Variants in CEP162 observed in about 807,000 individuals in gnomAD.
The protein encoded by CEP162 is centrosomal protein 162.
In CEP162, 141 loss-of-function variants were observed where a neutral mutation model predicts 169.2. The ratio of observed to expected loss-of-function variants is 0.83; its 90% CI spans 0.73 to 0.96. The LOEUF is 0.96. Ranked by LOEUF, CEP162 falls within the 40% of genes least tolerant of loss-of-function variation. The probability of loss-of-function intolerance (pLI) is 0.00; values close to 1 mark genes in which losing one functional copy is unlikely to be tolerated. For synonymous variants in CEP162, 540 were observed against 526.4 expected (o/e 1.03, Z -0.35); for missense variants, 1,600 against 1,587.2 (o/e 1.01, Z -0.14).
intron 25 of CEP162, among the ~76,000 whole-genome samples, chr6:84,141,429 C>T (rs2099516590): frequency 6.6e-6 from 1 of 152,070 alleles, no homozygotes; most frequent in Non-Finnish European, 1.5e-5. Context: ...CTATAAATTC[C>T]TCCTTACCTA....
At position 84,185,358 on chromosome 6, in the gene CEP162, G is replaced by C. The variant is rs1338923057; in HGVS notation, c.1492C>G (p.Leu498Val). 1.2e-6 allele frequency: 2 copies of C among 1,613,472 alleles called. No individual in the cohort carries two copies. Among genetic ancestry groups the C allele is most frequent in the Non-Finnish European group, 1.7e-6 (2 of 1,179,518 alleles). Residue 498 changes from leucine to valine, a missense_variant, in exon 13 of 27, where the codon CTT becomes GTT. Transcript: ENST00000403245. ...AATCCACTCTGGGGTTTCCTTTTAAGTAAAGGAGGTGCACTTCTGGCCTTC... is the reference window on the plus strand; with the variant it reads ...AATCCACTCTGGGGTTTCCTTTTAACTAAAGGAGGTGCACTTCTGGCCTTC... The part of the protein sequence containing the change: ...YKKARSAPPL[L>V]KRKPQSGLYA...
chr6:84,171,658 C>T lies in CEP162; in HGVS notation c.2227G>A (p.Glu743Lys). 6.4e-7 allele frequency: 1 copy of T among 1,553,434 alleles called. No individual in the cohort carries two copies. Among genetic ancestry groups the T allele is most frequent in the Non-Finnish European group, 8.7e-7 (1 of 1,151,436 alleles). The change falls in exon 17 of 27, where the codon GAG becomes AAG. Residue 743 changes from glutamate to lysine, a missense_variant. Physicochemically the swap from Glu to Lys is moderately conservative, Grantham distance 56. Transcript: ENST00000403245. ...DLQEQNKKNE[E>K]RMFKENQSLF... ...CTTTGGTTTTCCTTAAACATTCGCTCCTCATTTTTCTTGTTTTGTTCTTGG... is the reference window on the plus strand; with the variant it reads ...CTTTGGTTTTCCTTAAACATTCGCTTCTCATTTTTCTTGTTTTGTTCTTGG...
rs751421876 is a variant in CEP162 at position 84,153,167 on chromosome 6, G to C, written c.3007C>G (p.Gln1003Glu). 5 of 1,594,594 alleles carry C rather than the reference G, an allele frequency of 3.1e-6. 1 individual carries two copies. In the South Asian group the frequency reaches 4.6e-5, roughly 15 times the overall value. The stretch of plus-strand genomic sequence containing the variant: ...AGCTGCTCCTGCTGCTCTAGTCTTT[G>C]TTCATACTGAATCTGAAGGAAAGAA... The part of the protein sequence containing the change: ...QFQKMKIQYE[Q>E]RLEQQEQLLA... The change falls in exon 23 of 27, where the codon CAA (glutamine) becomes GAA (glutamate). Residue 1003 changes from glutamine to glutamate, a missense_variant. Physicochemically the swap from Gln to Glu is conservative, Grantham distance 29. Coordinates refer to ENST00000403245, the MANE Select transcript of CEP162 (RefSeq NM_014895.4).
intron 21 of CEP162, among the ~76,000 whole-genome samples, chr6:84,158,991 C>A (rs2099524336): frequency 6.6e-6 from 1 of 151,350 alleles, no homozygotes; most frequent in Non-Finnish European, 1.5e-5. Context: ...CAAACACAAT[C>A]TAAAATTTTC....
intron 13 of CEP162, among the ~76,000 whole-genome samples, chr6:84,178,134 T>A (rs992624734): frequency 4.0e-5 from 6 of 149,928 alleles, no homozygotes; most frequent in African/African-American, 1.5e-4. Flanking sequence ...TTTTTAAATA[T>A]ATTTGGATCC....
At chr6:84,184,249 A>G (rs2099536147) in intron 13 of CEP162, among the ~76,000 whole-genome samples, 1 of 152,150 alleles carries the variant, frequency 6.6e-6, no homozygotes, top group African/African-American at 2.4e-5. Context: ...ATACAAACAA[A>G]ACAATCATTT....
In CEP162 at chr6:84,186,389, C is replaced by T; in HGVS notation, c.1344G>A (p.Leu448=). The change falls in exon 12 of 27, where the codon TTG becomes TTA. Residue 448 remains leucine, a synonymous_variant. Transcript: ENST00000403245. ...AAGAATTAACAGTTATTTTTTTCCTCAAAATATTAAGGTACATTTTATCAA... is the reference window on the plus strand; with the variant it reads ...AAGAATTAACAGTTATTTTTTTCCTTAAAATATTAAGGTACATTTTATCAA... ...EHVDKMYLNI[L]RKKITVNSSS... is the part of the protein sequence containing the mutation. 6.5e-7 allele frequency: 1 copy of T among 1,537,908 alleles called. No homozygotes were observed. Among genetic ancestry groups the T allele is most frequent in the Non-Finnish European group, 9.0e-7 (1 of 1,111,928 alleles).
In CEP162 at chr6:84,186,640, G is replaced by A. The variant is rs372449665; in HGVS notation, c.1110-17C>T. The stretch of plus-strand genomic sequence containing the variant: ...TTCTCAGAGCTATAAAACAAAACAG[G>A]ACACAGATAATGAACCCTATGTAAC... On this transcript the variant is annotated splice_polypyrimidine_tract_variant and intron_variant, in intron 11 of 26. Transcript: ENST00000403245. 3.3e-5 allele frequency: 52 copies of A among 1,581,254 alleles called. No homozygotes were observed. The African/African-American group carries it at 6.9e-4, about 21-fold the overall frequency.
In CEP162 at chr6:84,140,293, C is replaced by T. The variant is rs939210804; in HGVS notation, c.3870+6394G>A. 3.3e-5 allele frequency among the ~76,000 whole-genome samples: 5 copies of T among 151,876 alleles called. No individual in the cohort carries two copies. The East Asian group carries it at 7.8e-4, about 24-fold the overall frequency. On this transcript the variant is annotated intron_variant, in intron 25 of 26. Transcript: ENST00000403245. The stretch of plus-strand genomic sequence containing the variant: ...TGGTTGATACTGGGAGAGTCCTATC[C>T]CAGCAGTGCCTGTGTGGTGTCACAG...
At chr6:84,192,062 A>G (rs1016725) in intron 11 of CEP162, among the ~76,000 whole-genome samples, 5,758 of 152,312 alleles carry the variant, frequency 0.038, 166 homozygotes, top group Admixed American at 0.092. Flanking sequence ...CTGGGTTCCT[A>G]AATGACTGTG....
At position 84,170,264 on chromosome 6, in the gene CEP162, C is replaced by T. The variant is rs2099529497; in HGVS notation, c.2280-831G>A. 2.0e-5 allele frequency among the ~76,000 whole-genome samples: 3 copies of T among 149,942 alleles called. No individual in the cohort carries two copies. The Admixed American group carries it at 2.0e-4, about 10-fold the overall frequency. On this transcript the variant is annotated intron_variant, in intron 17 of 26. Coordinates refer to ENST00000403245, the MANE Select transcript of CEP162 (RefSeq NM_014895.4). Reference sequence around the variant, plus strand: ...TGGCGGGTGCCTGTAGTCCCAGATACTCGGGAGGCTGAGGCAGGAGAATGG... The same window carrying T: ...TGGCGGGTGCCTGTAGTCCCAGATATTCGGGAGGCTGAGGCAGGAGAATGG...
chr6:84,136,895 A>T (rs1462206263), intron 25 of CEP162, among the ~76,000 whole-genome samples: 1 of 152,202 alleles, frequency 6.6e-6, no homozygotes, highest in East Asian at 1.9e-4. Context: ...AAGAATGGCC[A>T]TCGGCCACAC....
chr6:84,142,005 C>G (rs2099516894), intron 25 of CEP162, among the ~76,000 whole-genome samples: 1 of 152,146 alleles, frequency 6.6e-6, no homozygotes, highest in South Asian at 2.1e-4. Context: ...CTCACCATGT[C>G]TTTGAAATTT....
chr6:84,205,174 A>AAACT (rs751780953), intron 6 of CEP162, among the ~76,000 whole-genome samples: 1 of 152,222 alleles, frequency 6.6e-6, no homozygotes, highest in African/African-American at 2.4e-5. Flanking sequence ...ATTTCTTCTG[A>AAACT]AACTATTCCA....
At chr6:84,142,765 C>G (rs569675905) in intron 25 of CEP162, among the ~76,000 whole-genome samples, 3 of 152,170 alleles carry the variant, frequency 2.0e-5, no homozygotes, top group South Asian at 2.1e-4. Flanking sequence ...AGTTCATCCC[C>G]AAATCAAACG....
intron 26 of CEP162, 47 bp from the exon 27 acceptor site, chr6:84,125,323 G>A: frequency 6.6e-7 from 1 of 1,516,684 alleles, no homozygotes; most frequent in Non-Finnish European, 9.1e-7. Flanking sequence ...CATAGTGGTG[G>A]GTGAGGAACA....
intron 25 of CEP162, among the ~76,000 whole-genome samples, chr6:84,132,551 C>CT: frequency 6.6e-6 from 1 of 152,166 alleles, no homozygotes; most frequent in Non-Finnish European, 1.5e-5. Flanking sequence ...TCTTTTTACT[C>CT]TTTTTTCTCT....
intron 25 of CEP162, among the ~76,000 whole-genome samples, chr6:84,145,139 C>T (rs984497954): frequency 1.3e-5 from 2 of 152,078 alleles, no homozygotes; most frequent in African/African-American, 2.4e-5. Context: ...ACCTTACATA[C>T]GAGGTTTCCT....
intron 3 of CEP162, among the ~76,000 whole-genome samples, chr6:84,220,240 T>C (rs868195990): frequency 9.2e-5 from 14 of 152,194 alleles, no homozygotes; most frequent in Admixed American, 2.0e-4. Flanking sequence ...TTTTACAAAA[T>C]TGTGCTTAAC....
Sources: gnomAD v4.1 joint callset for allele counts (sites outside exome capture counted in the v4.1 genomes callset) on GRCh38, gnomAD v4.1.1 for gene constraint, MANE v1.5 for transcripts, NCBI Gene and HGNC (gene_info 2026-07-23, HGNC 2026-07-21) for gene names.